The following CRLF3 variants were observed in gnomAD, a reference collection of about 807,000 sequenced individuals.
CRLF3 encodes the protein cytokine receptor-like factor 3.
CRLF3 carries 33 observed loss-of-function variants against 55.0 expected under a neutral mutation model. The observed-to-expected ratio is 0.60, with a 90% CI of 0.46 to 0.80. CRLF3 has a LOEUF of 0.80. CRLF3 is among the 30% of genes least tolerant of loss of function. The probability of loss-of-function intolerance (pLI) is 0.00; values close to 1 mark genes in which losing one functional copy is unlikely to be tolerated. For missense variants in CRLF3, 494 were observed against 538.4 expected (o/e 0.92, Z 0.82); for synonymous variants, 238 against 196.8 (o/e 1.21, Z -1.75).
chr17:30,796,456 T>C (rs1336746139), intron 3 of CRLF3, 119 bp from the exon 4 acceptor site: 3 of 668,992 alleles, frequency 4.5e-6, no homozygotes, highest in Admixed American at 3.2e-5. Flanking sequence ...TTAATTCTCA[T>C]GGCAGTAGGG....
chr17:30,798,847 GTAAA>G (rs964378926), intron 2 of CRLF3, among the ~76,000 whole-genome samples: 2 of 150,798 alleles, frequency 1.3e-5, no homozygotes, highest in South Asian at 2.1e-4. Context: ...TCAAAAATAA[GTAAA>G]TAAATAAATA....
chr17:30,798,309 T>C (rs575412205), intron 2 of CRLF3, among the ~76,000 whole-genome samples: 4 of 151,796 alleles, frequency 2.6e-5, no homozygotes, highest in African/African-American at 9.7e-5. Context: ...ATCCGGGACA[T>C]GGAGGTTGCA....
rs181227356 is a variant in CRLF3 at position 30,788,285 on chromosome 17, C to G, written c.960-2254G>C. Among the ~76,000 whole-genome samples, 4 of 146,552 alleles carry G rather than the reference C, an allele frequency of 2.7e-5. No homozygotes were observed. In the Admixed American group the frequency reaches 2.7e-4, roughly 10 times the overall value. ...GGAGGTTGCAGTGAGCCGATTGTGC[C>G]ATTGCATTCCAGCCTGGGCAACAGA... On this transcript the variant is annotated intron_variant, in intron 6 of 7. Coordinates refer to ENST00000324238, the MANE Select transcript of CRLF3 (RefSeq NM_015986.4).
At chr17:30,822,036 T>A (rs1422978732) in intron 1 of CRLF3, among the ~76,000 whole-genome samples, 1 of 61,510 alleles carries the variant, frequency 1.6e-5, no homozygotes, top group Admixed American at 2.0e-4. Context: ...CTGGGAAACG[T>A]AACAAAACCC....
rs114803765 is a variant in CRLF3 at position 30,816,817 on chromosome 17, C to T, written c.129+7706G>A. On this transcript the variant is annotated intron_variant, in intron 1 of 7. Coordinates refer to ENST00000324238, the MANE Select transcript of CRLF3 (RefSeq NM_015986.4). ...CTTTTCTATGTTAGATGCACACTTA[C>T]AGTTATGTTACAACTATCTACAGTA... 8.7e-3 allele frequency among the ~76,000 whole-genome samples: 1,325 copies of T among 152,186 alleles called. 22 individuals are homozygous for T. The highest frequency in any genetic ancestry group is 0.03 in the African/African-American group (1,247 of 41,506).
chr17:30,822,062 CAA>C (rs576859607), intron 1 of CRLF3, among the ~76,000 whole-genome samples: 16 of 56,072 alleles, frequency 2.9e-4, no homozygotes, highest in East Asian at 9.7e-4. Flanking sequence ...GCACCCCCGC[CAA>C]AAAAAAAAAA....
intron 5 of CRLF3, chr17:30,792,786 T>TC (rs1292058519): frequency 2.4e-5 from 8 of 338,350 alleles, no homozygotes; most frequent in Middle Eastern, 7.1e-4. Flanking sequence ...ACATAATAAA[T>TC]CACACAAGTG....
At position 30,782,975 on chromosome 17, in the gene CRLF3, AT is replaced by A. The variant is rs1307811175; in HGVS notation, c.*1211del. 1 of 152,234 alleles carries A rather than the reference AT, an allele frequency of 6.6e-6. No individual in the cohort carries two copies. The highest frequency in any genetic ancestry group is 6.6e-5 in the Admixed American group (1 of 15,264). 9.4% of individuals were successfully genotyped at this position (152,234 alleles called of 1,614,324 possible). ...GCATAGAAGACAATTATTTTTACAT[AT>A]TAAAGTCCTTCAAATAAATATTTTA... On this transcript the variant is annotated 3_prime_UTR_variant, in exon 8 of 8. Transcript: ENST00000324238.
At chr17:30,814,791 C>T (rs957690882) in intron 1 of CRLF3, among the ~76,000 whole-genome samples, 4 of 151,918 alleles carry the variant, frequency 2.6e-5, no homozygotes, top group Admixed American at 6.6e-5. Context: ...CACCTGAGGT[C>T]GGGAGTTTGA....
chr17:30,786,317 G>A (rs752222807), intron 6 of CRLF3: 7 of 221,964 alleles, frequency 3.2e-5, no homozygotes, highest in Non-Finnish European at 6.2e-5. Flanking sequence ...TTGGCTCACT[G>A]CAACCTCCGC....
At chr17:30,814,049 G>A (rs1388423039) in intron 1 of CRLF3, among the ~76,000 whole-genome samples, 1 of 152,084 alleles carries the variant, frequency 6.6e-6, no homozygotes, top group African/African-American at 2.4e-5. Context: ...TTGAGGCCAG[G>A]AGTTCAAAAC....
chr17:30,804,277 T>C (rs1356841737), intron 1 of CRLF3, among the ~76,000 whole-genome samples, 169 bp from the exon 2 acceptor site: 1 of 152,210 alleles, frequency 6.6e-6, no homozygotes, highest in Non-Finnish European at 1.5e-5. Flanking sequence ...CACATATACA[T>C]AGTGAACTGT....
chr17:30,785,845 G>C (rs1022967177), intron 7 of CRLF3, 74 bp downstream of exon 7: 2 of 794,266 alleles, frequency 2.5e-6, no homozygotes, highest in Non-Finnish European at 4.1e-6. Flanking sequence ...TAAATGTATG[G>C]AACTGGAACA....
At chr17:30,814,471 A>G (rs1904722049) in intron 1 of CRLF3, among the ~76,000 whole-genome samples, 1 of 151,836 alleles carries the variant, frequency 6.6e-6, no homozygotes, top group African/African-American at 2.4e-5. Context: ...CCTGGCCAGT[A>G]TGGCGAAACC....
chr17:30,802,336 G>A (rs1972019398), intron 2 of CRLF3, among the ~76,000 whole-genome samples: 1 of 152,120 alleles, frequency 6.6e-6, no homozygotes, highest in Non-Finnish European at 1.5e-5. Flanking sequence ...TGGCCAGGAT[G>A]GTCTTGATCT....
chr17:30,812,066 C>T (rs1225568759), intron 1 of CRLF3, among the ~76,000 whole-genome samples: 1 of 150,772 alleles, frequency 6.6e-6, no homozygotes, highest in African/African-American at 2.4e-5. Flanking sequence ...GCTGAGATTG[C>T]GCCAGTGCAC....
chr17:30,805,270 G>T (rs1389884818), intron 1 of CRLF3, among the ~76,000 whole-genome samples: 1 of 151,996 alleles, frequency 6.6e-6, no homozygotes. Context: ...TAAAATAAAT[G>T]GCACATTGTT....
intron 1 of CRLF3, among the ~76,000 whole-genome samples, chr17:30,819,756 T>A (rs1320667118): frequency 1.3e-5 from 2 of 152,182 alleles, no homozygotes; most frequent in Non-Finnish European, 2.9e-5. Flanking sequence ...ATGAAAGATA[T>A]AATAGAAGTG....
chr17:30,796,404 T>G, intron 3 of CRLF3, 67 bp from the exon 4 acceptor site: 1 of 1,309,062 alleles, frequency 7.6e-7, no homozygotes, highest in Non-Finnish European at 1.1e-6. Context: ...AGAAATATTT[T>G]AGAGCAGTCA....
Sources: gnomAD v4.1 joint callset for allele counts (sites outside exome capture counted in the v4.1 genomes callset) on GRCh38, gnomAD v4.1.1 for gene constraint, MANE v1.5 for transcripts, NCBI Gene and HGNC (gene_info 2026-07-23, HGNC 2026-07-21) for gene names.